KCP: variants seen among roughly 807,000 people sequenced by gnomAD.
The protein encoded by KCP is kielin cysteine rich BMP regulator.
A neutral mutation model predicts 212.7 loss-of-function variants in KCP; 194 were observed. The ratio of observed to expected loss-of-function variants is 0.91; its 90% CI spans 0.81 to 1.03. The LOEUF is 1.03. Among genes scored for constraint, KCP ranks in the 50% least tolerant of loss-of-function variants. The pLI is 0.00. For synonymous variants in KCP, 833 were observed against 865.3 expected, an observed-to-expected ratio of 0.96 and a Z score of 0.65; for missense variants, 2,080 against 2,162.5, an observed-to-expected ratio of 0.96 and a Z score of 0.76.
Position 128,877,065 on chromosome 7 carries a change from C to T in KCP, c.4865G>A (p.Arg1622Gln), listed in dbSNP as rs986788417. The T allele has an allele frequency of 1.8e-5, 28 of 1,528,110 alleles. No individual in the cohort carries two copies. Among genetic ancestry groups the T allele is most frequent in the South Asian group, 3.7e-5 (3 of 80,342 alleles). 94.7% of individuals were successfully genotyped at this position (1,528,110 alleles called of 1,614,324 possible). ...GGCTCAGGGTGTCTCCTGGGGCTCCCGGCTGGGGCTGGGCCGAGCACCAAG... is the reference window on the plus strand; with the variant it reads ...GGCTCAGGGTGTCTCCTGGGGCTCCTGGCTGGGGCTGGGCCGAGCACCAAG... ...QPLGARPSPSREPQETP is the reference protein window; with the variant it reads ...QPLGARPSPSQEPQETP The change falls in exon 40 of 40, where the codon CGG becomes CAG. Residue 1622 changes from arginine to glutamine, a missense_variant. Transcript: ENST00000610776.
rs202223303 is a variant in KCP, at chr7:128,877,129, C to T, written c.4801G>A (p.Glu1601Lys). The T allele has an allele frequency of 5.4e-4, 815 of 1,510,234 alleles. 1 individual carries two copies. Among genetic ancestry groups the T allele is most frequent in the Non-Finnish European group, 6.7e-4 (760 of 1,131,186 alleles). 93.6% of individuals were successfully genotyped at this position (1,510,234 alleles called of 1,614,324 possible). A position where few individuals can be genotyped will look rare whatever the true frequency, so the allele number is the denominator to read the frequency against. ...GTGAGCAGGACTTGGGGGCAGGCCT[C>T]GGGTGGGATGCAGTGGGCCTCATGC... ...VEHEAHCIPP[E>K]ACPQVLLTGD... The change falls in exon 40 of 40, where the codon GAG becomes AAG. Residue 1601 changes from glutamate (E) to lysine (K), a missense_variant. Physicochemically the swap from Glu to Lys is moderately conservative, Grantham distance 56 (BLOSUM62 1). Transcript: ENST00000610776.
At chr7:128,910,447 C>G (rs1256984822) in intron 1 of KCP, among the ~76,000 whole-genome samples, 154 bp downstream of exon 1, 1 of 152,272 alleles carries the variant, frequency 6.6e-6, no homozygotes, top group East Asian at 1.9e-4. Flanking sequence ...GCTCGCTCCC[C>G]CGACGGGGAG....
At chr7:128,906,183 C>T (rs372004996) in intron 5 of KCP, 96 bp downstream of exon 5, 6 of 1,048,792 alleles carry the variant, frequency 5.7e-6, no homozygotes, top group South Asian at 1.4e-5. Context: ...GGGTAGGCAC[C>T]CCTGGGCATG....
intron 1 of KCP, among the ~76,000 whole-genome samples, chr7:128,909,185 C>G (rs1399195257): frequency 6.6e-6 from 1 of 152,206 alleles, no homozygotes; most frequent in African/African-American, 2.4e-5. Flanking sequence ...CACTTTGATC[C>G]TTCTCCTGCA....
chr7:128,877,329 G>A lies in KCP; in HGVS notation c.4619-18C>T. 1.3e-6 allele frequency: 2 copies of A among 1,526,496 alleles called. No individual in the cohort carries two copies. The highest frequency in any genetic ancestry group is 1.8e-6 in the Non-Finnish European group (2 of 1,139,118). 94.6% of individuals were successfully genotyped at this position (1,526,496 alleles called of 1,614,324 possible). The stretch of plus-strand genomic sequence containing the variant: ...GCCTACCACTGCAGGGGGAGTGGGA[G>A]GCGGGGTTACCAAGGCACCTGAAAC... On this transcript the variant is annotated intron_variant, in intron 39 of 39. Coordinates refer to ENST00000610776, the MANE Select transcript of KCP (RefSeq NM_001366122.1).
chr7:128,880,036 G>A lies in KCP; in HGVS notation c.3809C>T (p.Pro1270Leu). ...GAAGGCCATGCAGGAAGCGGGCCGA[G>A]GCAGGCAGCGGGGGCAGCAGCTGCC... ...SPGSCCPRCLPRPASCMAFGD... is the reference protein window; with the variant it reads ...SPGSCCPRCLLRPASCMAFGD... The change falls in exon 35 of 40, where the codon CCT (proline) becomes CTT (leucine). Residue 1270 changes from proline (P) to leucine (L), a missense_variant. Coordinates refer to ENST00000610776, the MANE Select transcript of KCP (RefSeq NM_001366122.1). The A allele has an allele frequency of 6.5e-7, 1 of 1,548,720 alleles. No individual in the cohort carries two copies. Among genetic ancestry groups the A allele is most frequent in the Non-Finnish European group, 8.7e-7 (1 of 1,146,588 alleles).
At chr7:128,888,155 T>C (rs111161465) in intron 22 of KCP, among the ~76,000 whole-genome samples, 50 of 56,986 alleles carry the variant, frequency 8.8e-4, no homozygotes, top group Middle Eastern at 0.018. Context: ...CACACACACA[T>C]ACACAGCCAC....
At chr7:128,886,310 TAGG>T (rs1349674063) in intron 26 of KCP, among the ~76,000 whole-genome samples, 151 bp downstream of exon 26, 2 of 146,478 alleles carry the variant, frequency 1.4e-5, no homozygotes, top group South Asian at 2.1e-4. Context: ...CAGGGAGAGG[TAGG>T]AGAAGCTGAA....
At chr7:128,910,509 G>A in intron 1 of KCP, 92 bp downstream of exon 1, 1 of 1,197,140 alleles carries the variant, frequency 8.4e-7, no homozygotes, top group Non-Finnish European at 1.1e-6. Context: ...TAAGAGCAGA[G>A]CCCCCAGCCC....
In KCP at chr7:128,894,306, A is replaced by T. The variant is rs753620270; in HGVS notation, c.832-13T>A. The stretch of plus-strand genomic sequence containing the variant: ...GGATGTGACCCTCCTGGTGGGGAGA[A>T]TGAACAGGGGAAGGGGCCGACAGGG... On this transcript the variant is annotated splice_polypyrimidine_tract_variant and intron_variant, in intron 8 of 39. Transcript: ENST00000610776. 2 of 1,525,530 alleles carry T rather than the reference A, an allele frequency of 1.3e-6. No individual in the cohort carries two copies. The highest frequency in any genetic ancestry group is 1.8e-6 in the Non-Finnish European group (2 of 1,131,032). The allele number at this position is 1,525,530 out of a possible 1,614,324, so 94.5% of individuals were successfully genotyped here.
At chr7:128,903,968 G>A in intron 6 of KCP, 88 bp downstream of exon 6, 1 of 1,387,028 alleles carries the variant, frequency 7.2e-7, no homozygotes, top group Middle Eastern at 2.1e-4. Flanking sequence ...GGCATGTGAG[G>A]GGGCTGGAGG....
chr7:128,891,646 CGCTGCAGTCGTTCGG>C lies in KCP; in HGVS notation c.1780_1794del (p.Pro594_Ser598del). ...GGCCGCCCTGACCCGCCCACCTCAC[CGCTGCAGTCGTTCGG>C]GCAGCAGGTCCCAGGCAGCGGGTGG... is the stretch of plus-strand genomic sequence containing the variant. On this transcript the variant is annotated inframe_deletion and splice_region_variant, in exon 17 of 40. Transcript: ENST00000610776. 1 of 1,466,268 alleles carries C rather than the reference CGCTGCAGTCGTTCGG, an allele frequency of 6.8e-7. No individual in the cohort carries two copies. Among genetic ancestry groups the C allele is most frequent in the South Asian group, 1.4e-5 (1 of 70,484 alleles). The allele number at this position is 1,466,268 out of a possible 1,614,324, so 90.8% of individuals were successfully genotyped here. A position where few individuals can be genotyped will look rare whatever the true frequency, so the allele number is the denominator to read the frequency against.
rs1794225298 is a variant in KCP, at chr7:128,892,570, G to A, written c.1565C>T (p.Pro522Leu). The part of the protein sequence containing the change: ...TVTCSLVDCP[P>L]TTCARPQSGP... ...ACTCTGGGGCCTGGCACAGGTCGTG[G>A]GAGGGCAGTCAACCAAGGAGCATGT... Residue 522 changes from proline to leucine, a missense_variant, in exon 16 of 40, where the codon CCC becomes CTC. Pro to Leu is a moderately conservative substitution (Grantham distance 98). Transcript: ENST00000610776. The A allele has an allele frequency of 3.2e-6, 5 of 1,550,448 alleles. No individual in the cohort carries two copies. Among genetic ancestry groups the A allele is most frequent in the Non-Finnish European group, 4.4e-6 (5 of 1,146,208 alleles).
intron 22 of KCP, among the ~76,000 whole-genome samples, chr7:128,888,613 GAC>G (rs753376588): frequency 2.2e-4 from 23 of 105,054 alleles, no homozygotes; most frequent in African/African-American, 5.4e-4. Context: ...CACACAGCCA[GAC>G]ACACACACAC....
At position 128,877,499 on chromosome 7, in the gene KCP, C is replaced by A. The variant is rs907723158; in HGVS notation, c.4603G>T (p.Gly1535Cys). ...ACCCCCTCACCACACAGCGTGGGGCCTCGCCAGGTAGGTGTCACTCCTGCC... is the reference window on the plus strand; with the variant it reads ...ACCCCCTCACCACACAGCGTGGGGCATCGCCAGGTAGGTGTCACTCCTGCC... ...RQAGVTPTWR[G>C]PTLCVVGCPL... Residue 1535 changes from glycine to cysteine, a missense_variant, in exon 39 of 40, where the codon GGC (glycine) becomes TGC (cysteine). Coordinates refer to ENST00000610776, the MANE Select transcript of KCP (RefSeq NM_001366122.1). 1.8e-5 allele frequency: 28 copies of A among 1,551,084 alleles called. No homozygotes were observed. The African/African-American group carries it at 3.8e-4, about 21-fold the overall frequency.
At chr7:128,902,719 A>T in intron 8 of KCP, 58 bp downstream of exon 8, 1 of 1,437,220 alleles carries the variant, frequency 7.0e-7, no homozygotes, top group Non-Finnish European at 9.6e-7. Flanking sequence ...TGAGCAAATG[A>T]ATACAGTGGG....
intron 8 of KCP, among the ~76,000 whole-genome samples, chr7:128,894,912 C>T (rs963103568): frequency 6.6e-6 from 1 of 152,078 alleles, no homozygotes; most frequent in East Asian, 1.9e-4. Flanking sequence ...CAGGCAATAT[C>T]CTTCTAAAAA....
At chr7:128,883,899 A>C in intron 29 of KCP, 103 bp downstream of exon 29, 3 of 1,386,490 alleles carry the variant, frequency 2.2e-6, no homozygotes, top group Non-Finnish European at 1.9e-6. Flanking sequence ...AGAACAGTCC[A>C]CTGGAGTCAG....
Position 128,892,535 on chromosome 7 carries a change from G to A in KCP, c.1600C>T (p.Gln534Ter), listed in dbSNP as rs1794222096. 6.5e-7 allele frequency: 1 copy of A among 1,543,016 alleles called. No individual in the cohort carries two copies. Among genetic ancestry groups the A allele is most frequent in the Non-Finnish European group, 8.8e-7 (1 of 1,141,944 alleles). The change falls in exon 16 of 40, where the codon CAG becomes TAG. Residue 534 changes from glutamine (Q) to a stop codon, truncating the protein, a stop_gained. Transcript: ENST00000610776. LOFTEE classifies it high-confidence loss of function. ...ATACCTGGGCACCTGGGGCAACACTGGCCTGGTCCACTCTGGGGCCTGGCA... is the reference window on the plus strand; with the variant it reads ...ATACCTGGGCACCTGGGGCAACACTAGCCTGGTCCACTCTGGGGCCTGGCA... ...TCARPQSGPGQCCPRCPDCIL... is the reference protein window; with the variant it reads ...TCARPQSGPG
Sources: gnomAD v4.1 joint callset for allele counts (sites outside exome capture counted in the v4.1 genomes callset) on GRCh38, gnomAD v4.1.1 for gene constraint, MANE v1.5 for transcripts, NCBI Gene and HGNC (gene_info 2026-07-23, HGNC 2026-07-21) for gene names.